ADGRL3: variants seen among roughly 807,000 people sequenced by gnomAD.
ADGRL3 encodes adhesion G protein-coupled receptor L3.
In ADGRL3, 62 loss-of-function variants were observed where a neutral mutation model predicts 153.5. The observed-to-expected ratio is 0.40, with a 90% CI of 0.33 to 0.50. ADGRL3 has a LOEUF of 0.50. Among genes scored for constraint, ADGRL3 ranks in the 20% least tolerant of loss-of-function variants. The pLI is 0.47. For missense variants in ADGRL3, 1,641 were observed against 1,859.4 expected, an observed-to-expected ratio of 0.88 and a Z score of 2.16; for synonymous variants, 710 against 672.5, an observed-to-expected ratio of 1.06 and a Z score of -0.86.
chr4:62,037,717 A>G lies in ADGRL3; in HGVS notation c.3592-14A>G. On this transcript the variant is annotated splice_polypyrimidine_tract_variant and intron_variant, in intron 23 of 26. Coordinates refer to ENST00000683033, the MANE Select transcript of ADGRL3 (RefSeq NM_001387552.1). ...GAATTACTTGCTAACAGAAGTTAAT[A>G]TTTAATTGGCTAGGTACGAAAAGAG... The G allele has an allele frequency of 6.2e-7, 1 of 1,613,594 alleles. No homozygotes were observed. Among genetic ancestry groups the G allele is most frequent in the South Asian group, 1.1e-5 (1 of 91,070 alleles).
chr4:61,350,657 C>G (rs1199667850), intron 1 of ADGRL3, among the ~76,000 whole-genome samples: 1 of 151,988 alleles, frequency 6.6e-6, no homozygotes, highest in Non-Finnish European at 1.5e-5. Context: ...ATATTTCAAA[C>G]TTTAAAATTA....
At chr4:61,389,268 G>GTTGA (rs2151984668) in intron 2 of ADGRL3, among the ~76,000 whole-genome samples, 1 of 152,320 alleles carries the variant, frequency 6.6e-6, no homozygotes, top group South Asian at 2.1e-4. Context: ...TTAGAAGGCA[G>GTTGA]TTGATAGGTC....
At chr4:62,056,530 A>C (rs1286431751) in intron 25 of ADGRL3, among the ~76,000 whole-genome samples, 3 of 152,020 alleles carry the variant, frequency 2.0e-5, no homozygotes, top group South Asian at 2.1e-4. Context: ...CATAGATCTC[A>C]TCTCCCTGTG....
At chr4:61,698,893 T>A (rs561950612) in intron 6 of ADGRL3, among the ~76,000 whole-genome samples, 2 of 152,226 alleles carry the variant, frequency 1.3e-5, no homozygotes, top group Non-Finnish European at 2.9e-5. Flanking sequence ...TACTTTCTTT[T>A]TAACTGTAGG....
chr4:61,482,206 G>A (rs540847751), intron 2 of ADGRL3, among the ~76,000 whole-genome samples: 106 of 152,224 alleles, frequency 7.0e-4, no homozygotes, highest in African/African-American at 2.4e-3. Flanking sequence ...ATTGGCACAT[G>A]TGTACTTACT....
intron 3 of ADGRL3, among the ~76,000 whole-genome samples, chr4:61,511,981 A>G (rs2098465942): frequency 1.3e-5 from 2 of 152,170 alleles, no homozygotes; most frequent in South Asian, 4.1e-4. Context: ...ATAATCTTTT[A>G]TATGGCTAAA....
intron 6 of ADGRL3, among the ~76,000 whole-genome samples, chr4:61,681,034 A>G (rs919439830): frequency 6.6e-6 from 1 of 152,078 alleles, no homozygotes; most frequent in African/African-American, 2.4e-5. Context: ...TTTTCTCCCT[A>G]GGAGATGACC....
chr4:61,555,947 C>T (rs1422420064), intron 4 of ADGRL3, among the ~76,000 whole-genome samples: 5 of 152,130 alleles, frequency 3.3e-5, no homozygotes, highest in Non-Finnish European at 2.9e-5. Flanking sequence ...GGCTTCTTTA[C>T]TACAACCTGT....
chr4:61,994,198 A>G (rs2099113722), intron 19 of ADGRL3, among the ~76,000 whole-genome samples: 1 of 152,158 alleles, frequency 6.6e-6, no homozygotes, highest in Non-Finnish European at 1.5e-5. Context: ...CTCAGGCTGA[A>G]GTACAGTGCC....
chr4:61,598,960 G>A (rs1037294872), intron 5 of ADGRL3, among the ~76,000 whole-genome samples: 1 of 152,010 alleles, frequency 6.6e-6, no homozygotes, highest in South Asian at 2.1e-4. Flanking sequence ...GCCTTTTAGG[G>A]GCCAAGGGAA....
At chr4:61,282,580 G>A (rs1165754179) in intron 1 of ADGRL3, among the ~76,000 whole-genome samples, 1 of 151,822 alleles carries the variant, frequency 6.6e-6, no homozygotes, top group African/African-American at 2.4e-5. Flanking sequence ...AACATTTTGA[G>A]TTTTTTTAGT....
At chr4:61,497,068 T>G (rs960111799) in intron 2 of ADGRL3, 53 bp from the exon 3 acceptor site, 1 of 512,880 alleles carries the variant, frequency 1.9e-6, no homozygotes, top group Non-Finnish European at 3.4e-6. Context: ...AATAATGTCT[T>G]TGGATTACTT....
intron 4 of ADGRL3, among the ~76,000 whole-genome samples, chr4:61,568,928 C>T (rs988696558): frequency 1.8e-4 from 27 of 152,124 alleles, no homozygotes; most frequent in African/African-American, 6.5e-4. Context: ...ATCTATGGAT[C>T]GTGACTAATG....
At chr4:62,051,071 G>A (rs1733843595) in intron 25 of ADGRL3, among the ~76,000 whole-genome samples, 1 of 150,002 alleles carries the variant, frequency 6.7e-6, no homozygotes, top group Non-Finnish European at 1.5e-5. Context: ...CGTTCTGTGT[G>A]TGTGTATATA....
At chr4:61,513,102 T>G (rs907157778) in intron 3 of ADGRL3, among the ~76,000 whole-genome samples, 3 of 152,190 alleles carry the variant, frequency 2.0e-5, no homozygotes, top group Admixed American at 2.0e-4. Flanking sequence ...TCTCTCATTA[T>G]AGAATTAGCC....
Position 61,903,650 on chromosome 4 carries a change from C to CAAAAAAAAAA in ADGRL3, c.1888-5886_1888-5877dup, listed in dbSNP as rs55879235. Among the ~76,000 whole-genome samples, 185 of 72,352 alleles carry CAAAAAAAAAA rather than the reference C, an allele frequency of 2.6e-3. 5 individuals carry two copies. The highest frequency in any genetic ancestry group is 2.7e-3 in the South Asian group (4 of 1,464). 47.5% of individuals were successfully genotyped at this position (72,352 alleles called of 152,430 possible). On this transcript the variant is annotated intron_variant, in intron 11 of 26. Transcript: ENST00000683033. The stretch of plus-strand genomic sequence containing the variant: ...TGCTGCACTCCAGCTTGGGAAACAG[C>CAAAAAAAAAA]AAAAAAAAAAAAAAAAAAAAAAAAA...
intron 8 of ADGRL3, among the ~76,000 whole-genome samples, chr4:61,787,377 GCATAGGTACATA>G (rs1430608087): frequency 6.6e-6 from 1 of 151,222 alleles, no homozygotes; most frequent in African/African-American, 2.4e-5. Context: ...TAAAAAAAAA[GCATAGGTACATA>G]TATGACAGTG....
chr4:61,490,189 G>A (rs1215305899), intron 2 of ADGRL3, among the ~76,000 whole-genome samples: 1 of 151,880 alleles, frequency 6.6e-6, no homozygotes, highest in Non-Finnish European at 1.5e-5. Flanking sequence ...TCAAATTATA[G>A]CACAATTACC....
chr4:61,418,839 T>A (rs1459208150), intron 2 of ADGRL3, among the ~76,000 whole-genome samples: 6 of 150,758 alleles, frequency 4.0e-5, no homozygotes, highest in African/African-American at 1.5e-4. Flanking sequence ...AGGTACTCAG[T>A]TGGATATACA....
Sources: gnomAD v4.1 joint callset for allele counts (sites outside exome capture counted in the v4.1 genomes callset) on GRCh38, gnomAD v4.1.1 for gene constraint, MANE v1.5 for transcripts, NCBI Gene and HGNC (gene_info 2026-07-23, HGNC 2026-07-21) for gene names.